USP7: variants seen among roughly 807,000 people sequenced by gnomAD.
The protein encoded by USP7 is ubiquitin specific peptidase 7.
Under a neutral mutation model 162.9 loss-of-function variants are expected in USP7, and 9 were observed. The observed-to-expected ratio is 0.06, with a 90% confidence interval of 0.03 to 0.10. The LOEUF (loss-of-function observed/expected upper bound fraction) is 0.10. Ranked by LOEUF, USP7 falls within the 10% of genes least tolerant of loss-of-function variation. USP7 has a pLI of 1.00. For missense variants in USP7, 715 were observed against 1,373.7 expected (o/e 0.52, Z 7.58); for synonymous variants, 562 against 475.9 (o/e 1.18, Z -2.35).
Position 8,915,199 on chromosome 16 carries a change from A to G in USP7, c.1078+55T>C, listed in dbSNP as rs934086421. The G allele has an allele frequency of 6.4e-5, 93 of 1,464,194 alleles. 1 individual carries two copies. Among genetic ancestry groups the G allele is most frequent in the Non-Finnish European group, 8.0e-5 (86 of 1,074,494 alleles). 90.7% of individuals were successfully genotyped at this position (1,464,194 alleles called of 1,614,324 possible). On this transcript the variant is annotated intron_variant, in intron 10 of 30. Transcript: ENST00000344836. ...ACATCACTTGTGTAAATGAAACATT[A>G]AAACACAGTAGAAATCATCAAAAGA... is the stretch of plus-strand genomic sequence containing the variant.
At chr16:8,955,385 C>T (rs1217094251) in intron 1 of USP7, among the ~76,000 whole-genome samples, 2 of 150,552 alleles carry the variant, frequency 1.3e-5, no homozygotes, top group African/African-American at 4.9e-5. Context: ...GCTGGGATTA[C>T]AGGCATAAGC....
At chr16:8,899,276 G>T in intron 22 of USP7, 88 bp from the exon 23 acceptor site, 1 of 1,302,374 alleles carries the variant, frequency 7.7e-7, no homozygotes, top group South Asian at 1.2e-5. Context: ...AATGTGCCAT[G>T]AGCAGCCTGA....
chr16:8,893,557 G>C lies in USP7; in HGVS notation c.*441C>G, dbSNP rs1405575832. On this transcript the variant is annotated 3_prime_UTR_variant, in exon 31 of 31. Coordinates refer to ENST00000344836, the MANE Select transcript of USP7 (RefSeq NM_003470.3). Reference sequence around the variant, plus strand: ...GTTTTGCCTTAACAGATGCACAAAAGGTCATTGAAAGTATAACTGAAGGAA... The same window carrying C: ...GTTTTGCCTTAACAGATGCACAAAACGTCATTGAAAGTATAACTGAAGGAA... 3 of 164,836 alleles carry C rather than the reference G, an allele frequency of 1.8e-5. No individual in the cohort carries two copies. Among genetic ancestry groups the C allele is most frequent in the Admixed American group, 1.7e-4 (3 of 17,504 alleles). 10.2% of individuals were successfully genotyped at this position (164,836 alleles called of 1,614,324 possible). A position where few individuals can be genotyped will look rare whatever the true frequency, so the allele number is the denominator to read the frequency against.
At chr16:8,906,980 G>A (rs768998403) in intron 12 of USP7, among the ~76,000 whole-genome samples, 3 of 152,142 alleles carry the variant, frequency 2.0e-5, no homozygotes, top group Non-Finnish European at 4.4e-5. Flanking sequence ...AGTTTTAACT[G>A]GCTCTACAAA....
rs2061808867 is a variant in USP7 at position 8,903,405 on chromosome 16, GA to G, written c.1705-4del. ...CAAAACTGGTCCTCTGCGACTATCT[GA>G]AAATATGTATGAAAGCACAGAAAAG... On this transcript the variant is annotated splice_region_variant and splice_polypyrimidine_tract_variant and intron_variant, in intron 15 of 30. Coordinates refer to ENST00000344836, the MANE Select transcript of USP7 (RefSeq NM_003470.3). 1.2e-6 allele frequency: 2 copies of G among 1,612,670 alleles called. No individual in the cohort carries two copies. The highest frequency in any genetic ancestry group is 2.2e-5 in the South Asian group (2 of 90,934).
intron 30 of USP7, 141 bp from the exon 31 acceptor site, chr16:8,894,245 C>T: frequency 1.3e-6 from 1 of 783,510 alleles, no homozygotes. Flanking sequence ...GCTACACGCC[C>T]ACCTGGAGCT....
At chr16:8,902,044 C>G (rs1273038780) in intron 18 of USP7, 38 bp downstream of exon 18, 1 of 1,540,466 alleles carries the variant, frequency 6.5e-7, no homozygotes, top group Non-Finnish European at 9.0e-7. Flanking sequence ...TCCAACGCTA[C>G]TGCTCTAAGT....
intron 1 of USP7, among the ~76,000 whole-genome samples, chr16:8,945,033 C>CT (rs1899216791): frequency 6.6e-6 from 1 of 152,138 alleles, no homozygotes; most frequent in South Asian, 2.1e-4. Flanking sequence ...AGATGAAAGA[C>CT]CTGAGGTCAG....
chr16:8,919,884 A>G (rs1897591454), intron 5 of USP7, among the ~76,000 whole-genome samples: 1 of 152,146 alleles, frequency 6.6e-6, no homozygotes, highest in African/African-American at 2.4e-5. Context: ...GTTAGCTCCC[A>G]GCCTTGGAAA....
Position 8,899,895 on chromosome 16 carries a change from G to T in USP7, c.2310-138C>A. The T allele has an allele frequency of 5.8e-6, 6 of 1,038,638 alleles. No individual in the cohort carries two copies. The South Asian group carries it at 8.2e-5, about 14-fold the overall frequency. The allele number at this position is 1,038,638 out of a possible 1,614,324, so 64.3% of individuals were successfully genotyped here. A position where few individuals can be genotyped will look rare whatever the true frequency, so the allele number is the denominator to read the frequency against. Reference sequence around the variant, plus strand: ...TAAATTCAGGTTCCCCTTTGAGGGGGCCAGGCATCTGCCTGAGCTCCCTCT... The same window carrying T: ...TAAATTCAGGTTCCCCTTTGAGGGGTCCAGGCATCTGCCTGAGCTCCCTCT... On this transcript the variant is annotated intron_variant, in intron 21 of 30. Transcript: ENST00000344836.
chr16:8,906,588 A>G lies in USP7; in HGVS notation c.1272-6T>C, dbSNP rs1337147588. 1 of 1,608,626 alleles carries G rather than the reference A, an allele frequency of 6.2e-7. No individual in the cohort carries two copies. Among genetic ancestry groups the G allele is most frequent in the Admixed American group, 1.7e-5 (1 of 58,684 alleles). On this transcript the variant is annotated splice_region_variant and splice_polypyrimidine_tract_variant and intron_variant, in intron 12 of 30. Transcript: ENST00000344836. ...ACTGCTCTGGGAATTCAAACCTATTAGAAAACATTTTAAAAGAAATTCAGT... is the reference window on the plus strand; with the variant it reads ...ACTGCTCTGGGAATTCAAACCTATTGGAAAACATTTTAAAAGAAATTCAGT...
Position 8,923,346 on chromosome 16 carries a change from C to T in USP7, c.252G>A (p.Ser84=), listed in dbSNP as rs376640584. Residue 84 remains serine (S), a synonymous_variant, in exon 3 of 31, where the codon TCG becomes TCA. Coordinates refer to ENST00000344836, the MANE Select transcript of USP7 (RefSeq NM_003470.3). ...GCACAAAACACGGAGGGCTAAGGACCGACTCACTCAGTCTGCTGAAGCGCT... is the reference window on the plus strand; with the variant it reads ...GCACAAAACACGGAGGGCTAAGGACTGACTCACTCAGTCTGCTGAAGCGCT... ...TVERFSRLSE[S]VLSPPCFVRN... is the part of the protein sequence containing the mutation. 5.5e-5 allele frequency: 88 copies of T among 1,614,034 alleles called. No homozygotes were observed. The highest frequency in any genetic ancestry group is 1.6e-4 in the Middle Eastern group (1 of 6,082).
intron 11 of USP7, among the ~76,000 whole-genome samples, chr16:8,908,914 G>T (rs1044622141): frequency 2.0e-5 from 3 of 152,230 alleles, no homozygotes; most frequent in Admixed American, 1.3e-4. Context: ...CACAACTGAT[G>T]AGTCGGCAGG....
intron 1 of USP7, among the ~76,000 whole-genome samples, chr16:8,942,389 G>C (rs1374953946): frequency 6.6e-6 from 1 of 152,146 alleles, no homozygotes; most frequent in African/African-American, 2.4e-5. Flanking sequence ...TCACATGCTA[G>C]GGGTCTCCTG....
chr16:8,892,952 G>C lies in USP7; in HGVS notation c.*1046C>G, dbSNP rs572051575. ...TGCACTCAAAACTAGACACGCAGCT[G>C]GCATTAGCTCCAAAATAAAAGGAAA... On this transcript the variant is annotated 3_prime_UTR_variant, in exon 31 of 31. Transcript: ENST00000344836. 2 of 152,118 alleles carry C rather than the reference G, an allele frequency of 1.3e-5. No individual in the cohort carries two copies. The highest frequency in any genetic ancestry group is 4.8e-5 in the African/African-American group (2 of 41,428). The allele number at this position is 152,118 out of a possible 1,614,324, so 9.4% of individuals were successfully genotyped here. A position where few individuals can be genotyped will look rare whatever the true frequency, so the allele number is the denominator to read the frequency against.
chr16:8,925,890 C>A (rs1287963032), intron 2 of USP7, among the ~76,000 whole-genome samples: 3 of 152,236 alleles, frequency 2.0e-5, no homozygotes, highest in African/African-American at 7.2e-5. Context: ...TGCGGTGGCT[C>A]ACTCCTGTAA....
intron 11 of USP7, among the ~76,000 whole-genome samples, chr16:8,910,231 C>A (rs1236759742): frequency 6.6e-6 from 1 of 152,156 alleles, no homozygotes; most frequent in Non-Finnish European, 1.5e-5. Flanking sequence ...TCCCTTCATC[C>A]AAGCGGGGGC....
At position 8,897,698 on chromosome 16, in the gene USP7, C is replaced by CCAAAAAAAA. The variant is rs1555461632; in HGVS notation, c.2719-600_2719-599insTTTTTTTTG. 1.4e-4 allele frequency among the ~76,000 whole-genome samples: 5 copies of CCAAAAAAAA among 35,604 alleles called. 1 individual carries two copies. The highest frequency in any genetic ancestry group is 5.9e-4 in the African/African-American group (5 of 8,422). The allele number at this position is 35,604 out of a possible 152,430, so 23.4% of individuals were successfully genotyped here. Reference sequence around the variant, plus strand: ...GCAATATAGTGAGACCCTGTCTCTACAAAAAAAAAAAAAAAAAAAAAAAAA... The same window carrying CCAAAAAAAA: ...GCAATATAGTGAGACCCTGTCTCTACCAAAAAAAAAAAAAAAAAAAAAAAAAAAAAAAAA... On this transcript the variant is annotated intron_variant, in intron 25 of 30. Transcript: ENST00000344836.
chr16:8,961,992 C>T, intron 1 of USP7, among the ~76,000 whole-genome samples: 1 of 152,128 alleles, frequency 6.6e-6, no homozygotes, highest in East Asian at 1.9e-4. Flanking sequence ...GCAACCTGGC[C>T]AGCCATTTTT....
Sources: gnomAD v4.1 joint callset for allele counts (sites outside exome capture counted in the v4.1 genomes callset) on GRCh38, gnomAD v4.1.1 for gene constraint, MANE v1.5 for transcripts, NCBI Gene and HGNC (gene_info 2026-07-23, HGNC 2026-07-21) for gene names.